PLXNA4: variants seen among roughly 807,000 people sequenced by gnomAD.
PLXNA4 encodes plexin-A4.
A neutral mutation model predicts 191.8 loss-of-function variants in PLXNA4; 44 were observed. That is an observed-to-expected ratio of 0.23 (90% confidence interval 0.18 to 0.29). PLXNA4 has a LOEUF of 0.29. Among genes scored for constraint, PLXNA4 ranks in the 10% least tolerant of loss-of-function variants. The pLI is 1.00. For synonymous variants in PLXNA4, 1,082 were observed against 1,009.5 expected (o/e 1.07, Z -1.36); for missense variants, 1,800 against 2,488.8 (o/e 0.72, Z 5.89).
At chr7:132,601,942 T>G (rs1396929905) in intron 2 of PLXNA4, among the ~76,000 whole-genome samples, 1 of 152,258 alleles carries the variant, frequency 6.6e-6, no homozygotes, top group East Asian at 1.9e-4. Context: ...GAGCTGAGAC[T>G]ATGATTTATC....
chr7:132,454,917 A>G (rs887821684), intron 3 of PLXNA4, among the ~76,000 whole-genome samples: 1 of 152,188 alleles, frequency 6.6e-6, no homozygotes, highest in African/African-American at 2.4e-5. Context: ...AAACTCATCC[A>G]GATCTCTTCC....
intron 3 of PLXNA4, among the ~76,000 whole-genome samples, chr7:132,305,271 T>G (rs887822819): frequency 5.3e-5 from 8 of 151,958 alleles, no homozygotes; most frequent in African/African-American, 1.7e-4. Context: ...ACTTAAGGAC[T>G]GAGCATCATC....
intron 3 of PLXNA4, among the ~76,000 whole-genome samples, chr7:132,459,146 G>A (rs1004285219): frequency 2.6e-5 from 4 of 152,178 alleles, no homozygotes; most frequent in South Asian, 2.1e-4. Context: ...CCACCCAGCC[G>A]TGGAGCATTT....
At chr7:132,322,337 A>T (rs186808052) in intron 3 of PLXNA4, among the ~76,000 whole-genome samples, 2 of 152,014 alleles carry the variant, frequency 1.3e-5, no homozygotes, top group Non-Finnish European at 2.9e-5. Context: ...ATGTGCCACC[A>T]TGTCTGGCTA....
chr7:132,520,426 G>GCAGGAGGC (rs1799129161), intron 1 of PLXNA4, among the ~76,000 whole-genome samples: 1 of 151,956 alleles, frequency 6.6e-6, no homozygotes, highest in South Asian at 2.1e-4. Context: ...ACCTGGGTCC[G>GCAGGAGGC]CAGCAGGAGG....
chr7:132,398,462 C>T (rs990882402), intron 3 of PLXNA4, among the ~76,000 whole-genome samples: 15 of 152,166 alleles, frequency 9.9e-5, no homozygotes, highest in African/African-American at 3.6e-4. Context: ...CCTGGGTGTG[C>T]GGGAGTCAGC....
intron 4 of PLXNA4, among the ~76,000 whole-genome samples, chr7:132,281,438 G>A (rs866144541): frequency 6.6e-6 from 1 of 152,068 alleles, no homozygotes; most frequent in African/African-American, 2.4e-5. Context: ...TTTAACAAAG[G>A]GGTCAAAATT....
At chr7:132,531,785 A>G (rs1799625094) in intron 1 of PLXNA4, among the ~76,000 whole-genome samples, 1 of 152,170 alleles carries the variant, frequency 6.6e-6, no homozygotes. Flanking sequence ...TCTTGCCTGG[A>G]GTGATTCTCA....
At chr7:132,309,690 A>G (rs1469230789) in intron 3 of PLXNA4, among the ~76,000 whole-genome samples, 2 of 152,114 alleles carry the variant, frequency 1.3e-5, no homozygotes, top group Non-Finnish European at 2.9e-5. Flanking sequence ...CAGGTGCTTC[A>G]TGCTGTTACA....
intron 1 of PLXNA4, among the ~76,000 whole-genome samples, chr7:132,561,704 TTCC>T (rs1232779608): frequency 6.6e-5 from 4 of 60,298 alleles, no homozygotes; most frequent in Admixed American, 1.6e-4. Flanking sequence ...CCTCCTACTC[TTCC>T]TCCTCCTCCT....
At chr7:132,562,960 T>TCCTCCTCCTCTC (rs1184785987) in intron 1 of PLXNA4, among the ~76,000 whole-genome samples, 1 of 89,752 alleles carries the variant, frequency 1.1e-5, no homozygotes, top group Non-Finnish European at 2.1e-5. Flanking sequence ...CTCCTCTCCC[T>TCCTCCTCCTCTC]CCTCCTCCTC....
chr7:132,608,699 C>A (rs917697686), intron 2 of PLXNA4, among the ~76,000 whole-genome samples: 39 of 152,124 alleles, frequency 2.6e-4, no homozygotes, highest in African/African-American at 8.7e-4. Context: ...CACCCCCGCA[C>A]TCCTGCGACA....
chr7:132,517,930 T>C (rs1799003860), intron 1 of PLXNA4, among the ~76,000 whole-genome samples: 1 of 152,228 alleles, frequency 6.6e-6, no homozygotes, highest in Admixed American at 6.5e-5. Flanking sequence ...AGATTTCTAC[T>C]CCAATTTGTA....
At chr7:132,226,317 C>T (rs1798321562) in intron 7 of PLXNA4, 57 bp from the exon 8 acceptor site, 3 of 1,458,770 alleles carry the variant, frequency 2.1e-6, no homozygotes, top group Non-Finnish European at 2.9e-6. Flanking sequence ...GCCAGGGATT[C>T]CCTGACCAGT....
chr7:132,627,664 A>T (rs1803407290), intron 2 of PLXNA4, among the ~76,000 whole-genome samples: 1 of 152,220 alleles, frequency 6.6e-6, no homozygotes, highest in Non-Finnish European at 1.5e-5. Flanking sequence ...AAGTGAACTC[A>T]CTAGGCCCTT....
intron 5 of PLXNA4, 51 bp downstream of exon 5, chr7:132,241,015 A>G (rs1181484245): frequency 7.5e-7 from 1 of 1,340,436 alleles, no homozygotes; most frequent in South Asian, 1.4e-5. Flanking sequence ...AGAGGAAGGG[A>G]ATTACCAGGA....
intron 1 of PLXNA4, among the ~76,000 whole-genome samples, chr7:132,544,931 T>C (rs545449408): frequency 1.3e-5 from 2 of 152,372 alleles, no homozygotes; most frequent in East Asian, 3.9e-4. Context: ...TTGACATTGA[T>C]CTGAACTGGA....
At chr7:132,499,548 C>T (rs1348637523) in intron 2 of PLXNA4, among the ~76,000 whole-genome samples, 3 of 152,178 alleles carry the variant, frequency 2.0e-5, no homozygotes, top group African/African-American at 4.8e-5. Flanking sequence ...TCCCAAATCC[C>T]ACTGTCCCTC....
chr7:132,218,161 C>A (rs1205569727), intron 9 of PLXNA4, among the ~76,000 whole-genome samples: 2 of 152,104 alleles, frequency 1.3e-5, no homozygotes, highest in African/African-American at 2.4e-5. Flanking sequence ...TCGGCCTTGC[C>A]GGCTCTTCAG....
Sources: allele counts gnomAD v4.1 joint callset (sites outside exome capture counted in the v4.1 genomes callset), GRCh38; gene constraint gnomAD v4.1.1; transcripts MANE v1.5; gene names NCBI Gene and HGNC (gene_info 2026-07-23, HGNC 2026-07-21).